DYNLT2B: variants seen among roughly 807,000 people sequenced by gnomAD.
DYNLT2B encodes dynein light chain Tctex-type 2B.
DYNLT2B carries 14 observed loss-of-function variants against 19.5 expected under a neutral mutation model. That is an observed-to-expected ratio of 0.72 (90% CI 0.47 to 1.12). The LOEUF (loss-of-function observed/expected upper bound fraction) is 1.12, where lower values mean the gene tolerates loss of function less well. DYNLT2B is among the 50% of genes most tolerant of loss of function. The probability of loss-of-function intolerance (pLI) is 0.00; values close to 1 mark genes in which losing one functional copy is unlikely to be tolerated. For synonymous variants in DYNLT2B, 70 were observed against 59.7 expected, an observed-to-expected ratio of 1.17 and a Z score of -0.79; for missense variants, 133 against 174.7, an observed-to-expected ratio of 0.76 and a Z score of 1.35.
At chr3:196,311,687 T>C (rs1157234411) in intron 2 of DYNLT2B, among the ~76,000 whole-genome samples, 1 of 151,646 alleles carries the variant, frequency 6.6e-6, no homozygotes, top group East Asian at 1.9e-4. Context: ...ATTTATTTAT[T>C]TATTTATTTA....
chr3:196,306,471 T>C (rs1223940561), intron 3 of DYNLT2B, among the ~76,000 whole-genome samples: 1 of 151,880 alleles, frequency 6.6e-6, no homozygotes, highest in African/African-American at 2.4e-5. Context: ...CATACATACA[T>C]ATATGAGGCA....
chr3:196,302,670 G>T lies in DYNLT2B; in HGVS notation c.317+4273C>A, dbSNP rs113057085. On this transcript the variant is annotated intron_variant, in intron 3 of 4. Coordinates refer to ENST00000325318, the MANE Select transcript of DYNLT2B (RefSeq NM_152773.5). ...CAGATACGATGCCCTTGAGGAGGTG[G>T]GTCATAACTCCCTGCTCTTTCAGTG... is the stretch of plus-strand genomic sequence containing the variant. 1.8e-3 allele frequency among the ~76,000 whole-genome samples: 276 copies of T among 152,232 alleles called. 2 individuals carry two copies. Among genetic ancestry groups the T allele is most frequent in the Middle Eastern group, 0.01 (3 of 294 alleles).
intron 2 of DYNLT2B, among the ~76,000 whole-genome samples, chr3:196,314,794 CT>C (rs1726732453): frequency 6.6e-6 from 1 of 151,958 alleles, no homozygotes; most frequent in East Asian, 1.9e-4. Flanking sequence ...GCACTCCACC[CT>C]GGACAAAACA....
At chr3:196,300,602 G>C (rs868747931) in intron 3 of DYNLT2B, among the ~76,000 whole-genome samples, 1 of 151,578 alleles carries the variant, frequency 6.6e-6, no homozygotes, top group Non-Finnish European at 1.5e-5. Flanking sequence ...GGTGGCGTGC[G>C]TCTCTAATCC....
rs558578386 is a variant in DYNLT2B at position 196,313,718 on chromosome 3, T to G, written c.247+2380A>C. ...TTGCTATTCTTTGTACTTTTCTGTA[T>G]TTTTTAATTTCTTAAACTAAAAACA... On this transcript the variant is annotated intron_variant, in intron 2 of 4. Transcript: ENST00000325318. 4.6e-5 allele frequency among the ~76,000 whole-genome samples: 7 copies of G among 152,338 alleles called. No homozygotes were observed. In the South Asian group the frequency reaches 1.2e-3, roughly 27 times the overall value.
At chr3:196,307,323 A>C (rs900160011) in intron 2 of DYNLT2B, among the ~76,000 whole-genome samples, 2 of 152,004 alleles carry the variant, frequency 1.3e-5, no homozygotes, top group Non-Finnish European at 2.9e-5. Flanking sequence ...TGTTTTTGAG[A>C]TGGATTCTCA....
intron 4 of DYNLT2B, among the ~76,000 whole-genome samples, chr3:196,295,177 T>G (rs1462836575): frequency 6.9e-6 from 1 of 145,046 alleles, no homozygotes; most frequent in African/African-American, 2.6e-5. Context: ...CAATGAAACC[T>G]CTTTTATGTG....
intron 3 of DYNLT2B, among the ~76,000 whole-genome samples, chr3:196,303,729 G>T (rs12633454): frequency 0.23 from 34,370 of 152,050 alleles, 5,425 homozygotes; most frequent in East Asian, 0.76. Context: ...CATTTAATGT[G>T]GTATCCTAGA....
intron 3 of DYNLT2B, chr3:196,305,569 G>A (rs913705645): frequency 6.6e-6 from 1 of 152,248 alleles, no homozygotes; most frequent in Non-Finnish European, 1.5e-5. Flanking sequence ...GGGAGGCCAA[G>A]GTGGGTGGAT....
chr3:196,308,324 C>T (rs964684640), intron 2 of DYNLT2B, among the ~76,000 whole-genome samples: 1 of 151,894 alleles, frequency 6.6e-6, no homozygotes, highest in Non-Finnish European at 1.5e-5. Flanking sequence ...CCCACACGTC[C>T]GAGAACGAGG....
chr3:196,306,636 C>T (rs754478750), intron 3 of DYNLT2B, among the ~76,000 whole-genome samples: 6 of 152,092 alleles, frequency 3.9e-5, no homozygotes, highest in Non-Finnish European at 8.8e-5. Context: ...GCAACCTCCA[C>T]CTCCTGCGTT....
chr3:196,303,069 A>G (rs1215775906), intron 3 of DYNLT2B, among the ~76,000 whole-genome samples: 1 of 152,026 alleles, frequency 6.6e-6, no homozygotes, highest in Admixed American at 6.6e-5. Flanking sequence ...TATTTTGCAG[A>G]CCCTGCACTT....
In DYNLT2B at chr3:196,317,267, A is replaced by AGT. The variant is rs112515550; in HGVS notation, c.113+771_113+772dup. Among the ~76,000 whole-genome samples the AGT allele has an allele frequency of 9.0e-3, 245 of 27,172 alleles. 46 individuals carry two copies. The highest frequency in any genetic ancestry group is 0.013 in the Non-Finnish European group (196 of 14,620). The allele number at this position is 27,172 out of a possible 152,430, so 17.8% of individuals were successfully genotyped here. ...GCCCGTGAGCCTGACATTTTTTTTCAGTGTGTGTGTGTGTTGTGTGTGTGT... is the reference window on the plus strand; with the variant it reads ...GCCCGTGAGCCTGACATTTTTTTTCAGTGTGTGTGTGTGTGTTGTGTGTGTGT... On this transcript the variant is annotated intron_variant, in intron 1 of 4. Transcript: ENST00000325318.
chr3:196,314,187 AAAAAATGATGTC>A (rs1726712984), intron 2 of DYNLT2B, among the ~76,000 whole-genome samples: 1 of 152,126 alleles, frequency 6.6e-6, no homozygotes, highest in Non-Finnish European at 1.5e-5. Flanking sequence ...CTTTCTCTTC[AAAAAATGATGTC>A]TTCTAAGAAG....
intron 1 of DYNLT2B, among the ~76,000 whole-genome samples, chr3:196,316,916 T>TGTGTGTGTGTGTTGTGTG (rs1726826527): frequency 1.5e-5 from 2 of 137,080 alleles, no homozygotes; most frequent in South Asian, 2.6e-4. Context: ...TGTTGTGTGG[T>TGTGTGTGTGTGTTGTGTG]GTGTGTGTGT....
At chr3:196,293,399 G>A (rs1298339725) in intron 4 of DYNLT2B, among the ~76,000 whole-genome samples, 11 of 151,924 alleles carry the variant, frequency 7.2e-5, no homozygotes, top group Admixed American at 6.6e-4. Context: ...GCCAAAGCAG[G>A]CAGATCACCT....
chr3:196,314,696 C>T (rs1726730058), intron 2 of DYNLT2B, among the ~76,000 whole-genome samples: 1 of 151,382 alleles, frequency 6.6e-6, no homozygotes, highest in Non-Finnish European at 1.5e-5. Flanking sequence ...GTGGCACAAG[C>T]CTGTAGACCC....
chr3:196,318,224 G>C lies in DYNLT2B; in HGVS notation c.-72C>G. On this transcript the variant is annotated 5_prime_UTR_variant, in exon 1 of 5. Coordinates refer to ENST00000325318, the MANE Select transcript of DYNLT2B (RefSeq NM_152773.5). ...GGTTGCGGTCGCGGCCGGCAGCAGGGAAAGCGTCTCCAGGGCAACAGGGCC... is the reference window on the plus strand; with the variant it reads ...GGTTGCGGTCGCGGCCGGCAGCAGGCAAAGCGTCTCCAGGGCAACAGGGCC... The C allele has an allele frequency of 1.1e-6, 1 of 880,826 alleles. No homozygotes were observed. The highest frequency in any genetic ancestry group is 1.6e-6 in the Non-Finnish European group (1 of 618,000). 54.6% of individuals were successfully genotyped at this position (880,826 alleles called of 1,614,324 possible).
intron 2 of DYNLT2B, among the ~76,000 whole-genome samples, chr3:196,311,130 A>G (rs1726630641): frequency 6.6e-6 from 1 of 152,212 alleles, no homozygotes; most frequent in South Asian, 2.1e-4. Context: ...TCCAGAACTA[A>G]TAAATTCAAA....
Sources: gnomAD v4.1 joint callset for allele counts (sites outside exome capture counted in the v4.1 genomes callset) on GRCh38, gnomAD v4.1.1 for gene constraint, MANE v1.5 for transcripts, NCBI Gene and HGNC (gene_info 2026-07-23, HGNC 2026-07-21) for gene names.